CACNG5: variants seen among roughly 807,000 people sequenced by gnomAD.
CACNG5 encodes voltage-dependent calcium channel gamma-5 subunit.
CACNG5 carries 18 observed loss-of-function variants against 24.8 expected under a neutral mutation model. The ratio of observed to expected loss-of-function variants is 0.73; its 90% CI spans 0.50 to 1.08. The LOEUF is 1.08. CACNG5 is among the 50% of genes least tolerant of loss of function. The probability of loss-of-function intolerance (pLI) is 0.00; values close to 1 mark genes in which losing one functional copy is unlikely to be tolerated. For missense variants in CACNG5, 349 were observed against 367.9 expected (o/e 0.95, Z 0.42); for synonymous variants, 157 against 149.1 (o/e 1.05, Z -0.39).
chr17:66,878,909 G>T, intron 2 of CACNG5, 63 bp from the exon 3 acceptor site: 2 of 1,345,006 alleles, frequency 1.5e-6, no homozygotes, highest in Admixed American at 1.7e-5. Context: ...AATACCATTT[G>T]TATGGACCAA....
chr17:66,837,136 C>G (rs1403833995), intron 1 of CACNG5, among the ~76,000 whole-genome samples: 1 of 152,188 alleles, frequency 6.6e-6, no homozygotes, highest in African/African-American at 2.4e-5. Flanking sequence ...ATGACAGTGT[C>G]CATTTTACTG....
intron 1 of CACNG5, among the ~76,000 whole-genome samples, chr17:66,853,733 T>C (rs1226649700): frequency 6.6e-6 from 1 of 152,068 alleles, no homozygotes; most frequent in Non-Finnish European, 1.5e-5. Context: ...AAACATATGG[T>C]AAAAATCAAT....
chr17:66,849,306 G>A lies in CACNG5; in HGVS notation c.-104+14056G>A, dbSNP rs535023820. 3.3e-5 allele frequency among the ~76,000 whole-genome samples: 5 copies of A among 152,184 alleles called. No homozygotes were observed. The East Asian group carries it at 9.7e-4, about 30-fold the overall frequency. On this transcript the variant is annotated intron_variant, in intron 1 of 5. Transcript: ENST00000533854. ...CATCCTCTGAGGCACCCGGGGTTGGGGGCAGGGGTGGGGGGAGCCGCACTG... is the reference window on the plus strand; with the variant it reads ...CATCCTCTGAGGCACCCGGGGTTGGAGGCAGGGGTGGGGGGAGCCGCACTG...
intron 1 of CACNG5, 49 bp downstream of exon 1, chr17:66,835,299 G>A (rs1287163338): frequency 6.6e-6 from 1 of 152,394 alleles, no homozygotes; most frequent in East Asian, 1.9e-4. Context: ...TCCTGGGGGG[G>A]TCCCTGGGGG....
At chr17:66,836,513 C>G (rs1033635569) in intron 1 of CACNG5, among the ~76,000 whole-genome samples, 3 of 152,218 alleles carry the variant, frequency 2.0e-5, no homozygotes, top group Non-Finnish European at 2.9e-5. Context: ...TTGGTGGCAC[C>G]TCTTTGCAGA....
At chr17:66,871,850 A>G (rs756583608) in intron 1 of CACNG5, among the ~76,000 whole-genome samples, 3 of 152,088 alleles carry the variant, frequency 2.0e-5, no homozygotes, top group Non-Finnish European at 2.9e-5. Flanking sequence ...ACAGAGCGAG[A>G]CTCCATCTCA....
intron 1 of CACNG5, among the ~76,000 whole-genome samples, chr17:66,841,315 T>C (rs1353767326): frequency 6.6e-6 from 1 of 152,212 alleles, no homozygotes; most frequent in African/African-American, 2.4e-5. Flanking sequence ...TCTATCTCAG[T>C]GAGCAGAGGG....
At chr17:66,843,468 A>T (rs982336973) in intron 1 of CACNG5, among the ~76,000 whole-genome samples, 3 of 152,178 alleles carry the variant, frequency 2.0e-5, no homozygotes, top group African/African-American at 7.2e-5. Context: ...GGGAAATGAG[A>T]CCTATCTCCG....
intron 5 of CACNG5, 103 bp downstream of exon 5, chr17:66,884,764 T>G: frequency 6.2e-7 from 1 of 1,613,762 alleles, no homozygotes; most frequent in Non-Finnish European, 8.5e-7. Context: ...ACAACCATTT[T>G]GGACCCCGGA....
At chr17:66,867,228 G>A (rs1422271939) in intron 1 of CACNG5, among the ~76,000 whole-genome samples, 1 of 152,124 alleles carries the variant, frequency 6.6e-6, no homozygotes, top group Non-Finnish European at 1.5e-5. Context: ...CAGTGATGTT[G>A]AGTTTTTTTT....
rs1977246344 is a variant in CACNG5 at position 66,885,523 on chromosome 17, A to C, written c.*283A>C. On this transcript the variant is annotated 3_prime_UTR_variant, in exon 6 of 6. Transcript: ENST00000533854. ...ACAGCAGTGGCTCCAGGAAGCCAGC[A>C]GCTCCCCCCAAGCCCAGGAGACACC... is the stretch of plus-strand genomic sequence containing the variant. 2 of 427,624 alleles carry C rather than the reference A, an allele frequency of 4.7e-6. No individual in the cohort carries two copies. Among genetic ancestry groups the C allele is most frequent in the Non-Finnish European group, 8.2e-6 (2 of 244,418 alleles). The allele number at this position is 427,624 out of a possible 1,614,324, so 26.5% of individuals were successfully genotyped here. A position where few individuals can be genotyped will look rare whatever the true frequency, so the allele number is the denominator to read the frequency against.
At chr17:66,843,476 C>G (rs1315651432) in intron 1 of CACNG5, among the ~76,000 whole-genome samples, 1 of 152,188 alleles carries the variant, frequency 6.6e-6, no homozygotes, top group Non-Finnish European at 1.5e-5. Flanking sequence ...AGACCTATCT[C>G]CGTAATCCCA....
At position 66,850,539 on chromosome 17, in the gene CACNG5, G is replaced by A. The variant is rs868534466; in HGVS notation, c.-104+15289G>A. 5.3e-5 allele frequency among the ~76,000 whole-genome samples: 8 copies of A among 151,524 alleles called. No homozygotes were observed. In the South Asian group the frequency reaches 1.7e-3, roughly 32 times the overall value. ...AAGTATATTTTTTTTTTACATATAGGTTATCTTTTATTGATTTTTAAAATT... is the reference window on the plus strand; with the variant it reads ...AAGTATATTTTTTTTTTACATATAGATTATCTTTTATTGATTTTTAAAATT... On this transcript the variant is annotated intron_variant, in intron 1 of 5. Coordinates refer to ENST00000533854, the MANE Select transcript of CACNG5 (RefSeq NM_145811.3).
intron 1 of CACNG5, among the ~76,000 whole-genome samples, chr17:66,861,061 CAT>C (rs1258200572): frequency 6.6e-6 from 1 of 152,018 alleles, no homozygotes; most frequent in Non-Finnish European, 1.5e-5. Flanking sequence ...AGTATAATTG[CAT>C]ATTTCTTCTC....
At chr17:66,861,779 G>GGTGAA (rs1976863121) in intron 1 of CACNG5, among the ~76,000 whole-genome samples, 1 of 152,214 alleles carries the variant, frequency 6.6e-6, no homozygotes, top group Admixed American at 6.5e-5. Flanking sequence ...TTCAGCTGGA[G>GGTGAA]CTGCCAGAGG....
At position 66,864,140 on chromosome 17, in the gene CACNG5, C is replaced by T. The variant is rs565605727; in HGVS notation, c.-103-13090C>T. ...AGATATCCTGTTAGAATCCTGTTGG[C>T]AATCTGTTAGATAGGAGAAGGTTGC... is the stretch of plus-strand genomic sequence containing the variant. On this transcript the variant is annotated intron_variant, in intron 1 of 5. Coordinates refer to ENST00000533854, the MANE Select transcript of CACNG5 (RefSeq NM_145811.3). 2.0e-5 allele frequency among the ~76,000 whole-genome samples: 3 copies of T among 152,298 alleles called. No individual in the cohort carries two copies. The East Asian group carries it at 5.8e-4, about 29-fold the overall frequency.
Position 66,884,596 on chromosome 17 carries a change from A to G in CACNG5, c.505A>G (p.Thr169Ala), listed in dbSNP as rs1977220254. The part of the protein sequence containing the change: ...EMLNRTKDAE[T>A]YFNYKYGWSF... ...GCTCAACAGGACCAAGGATGCAGAG[A>G]CCTACTTCAACTACAAGTATGGGTG... Residue 169 changes from threonine to alanine, a missense_variant, in exon 5 of 6, where the codon ACC (threonine) becomes GCC (alanine). Transcript: ENST00000533854. 6.2e-7 allele frequency: 1 copy of G among 1,613,970 alleles called. No homozygotes were observed. Among genetic ancestry groups the G allele is most frequent in the African/African-American group, 1.3e-5 (1 of 74,884 alleles).
intron 1 of CACNG5, among the ~76,000 whole-genome samples, chr17:66,838,106 CA>C (rs1337336909): frequency 6.6e-6 from 1 of 151,820 alleles, no homozygotes; most frequent in Admixed American, 6.6e-5. Context: ...GTGCCCTCTG[CA>C]TTAGAAGAGT....
At chr17:66,837,276 G>A (rs1036093087) in intron 1 of CACNG5, among the ~76,000 whole-genome samples, 1 of 152,220 alleles carries the variant, frequency 6.6e-6, no homozygotes, top group Non-Finnish European at 1.5e-5. Context: ...TGGGGGAAGA[G>A]GTGTGAATTT....
Sources: gnomAD v4.1 joint callset for allele counts (sites outside exome capture counted in the v4.1 genomes callset) on GRCh38, gnomAD v4.1.1 for gene constraint, MANE v1.5 for transcripts, NCBI Gene and HGNC (gene_info 2026-07-23, HGNC 2026-07-21) for gene names.